Variants in ZNF333 observed in about 807,000 individuals in gnomAD.
ZNF333 encodes zinc finger protein 333.
A neutral mutation model predicts 76.1 loss-of-function variants in ZNF333; 61 were observed. That is an observed-to-expected ratio of 0.80 (90% CI 0.65 to 0.99). The LOEUF (loss-of-function observed/expected upper bound fraction) is 0.99. Among genes scored for constraint, ZNF333 ranks in the 50% least tolerant of loss-of-function variants. The pLI, the probability that ZNF333 is intolerant of heterozygous loss-of-function variation, is 0.00. For missense variants in ZNF333, 717 were observed against 822.4 expected, an observed-to-expected ratio of 0.87 and a Z score of 1.57; for synonymous variants, 284 against 305.0, an observed-to-expected ratio of 0.93 and a Z score of 0.72.
intron 4 of ZNF333, among the ~76,000 whole-genome samples, chr19:14,697,642 T>C (rs1973316910): frequency 6.6e-6 from 1 of 152,178 alleles, no homozygotes; most frequent in Middle Eastern, 3.2e-3. Flanking sequence ...ATTACAGGCG[T>C]GCGCCACCGT....
At chr19:14,700,514 A>G (rs1973599462) in intron 5 of ZNF333, among the ~76,000 whole-genome samples, 1 of 152,236 alleles carries the variant, frequency 6.6e-6, no homozygotes, top group South Asian at 2.1e-4. Context: ...AGACCAGTCT[A>G]GATCCCACAC....
chr19:14,693,109 CA>C (rs528685890), intron 1 of ZNF333, among the ~76,000 whole-genome samples: 2 of 148,960 alleles, frequency 1.3e-5, no homozygotes, highest in African/African-American at 2.5e-5. Flanking sequence ...GAGTGAGACT[CA>C]AAAAAAAAGG....
Position 14,703,666 on chromosome 19 carries a change from G to A in ZNF333, c.307-1388G>A, listed in dbSNP as rs537106682. Among the ~76,000 whole-genome samples, 21 of 152,328 alleles carry A rather than the reference G, an allele frequency of 1.4e-4. No homozygotes were observed. The South Asian group carries it at 1.7e-3, about 12-fold the overall frequency. On this transcript the variant is annotated intron_variant, in intron 5 of 11. Transcript: ENST00000292530. Reference sequence around the variant, plus strand: ...GAGCGAGGGGATAGCCCAGGCCAGAGCCTTTCTTGGAGTTTCCACAGGGTA... The same window carrying A: ...GAGCGAGGGGATAGCCCAGGCCAGAACCTTTCTTGGAGTTTCCACAGGGTA...
chr19:14,705,789 C>T (rs1201963432), intron 6 of ZNF333, among the ~76,000 whole-genome samples: 1 of 152,210 alleles, frequency 6.6e-6, no homozygotes, highest in Non-Finnish European at 1.5e-5. Flanking sequence ...ATCTAGGCTG[C>T]AGGCTCCTTA....
rs1339298045 is a variant in ZNF333 at position 14,720,808 on chromosome 19, T to C, written c.*1483T>C. On this transcript the variant is annotated 3_prime_UTR_variant, in exon 12 of 12. Transcript: ENST00000292530. The stretch of plus-strand genomic sequence containing the variant: ...TGTTGATCTGTGATCTAGCATTTAT[T>C]GAGAGAGGTATGTTAAACTCTCCCA... 1.0e-6 allele frequency: 1 copy of C among 983,734 alleles called. No homozygotes were observed. Among genetic ancestry groups the C allele is most frequent in the South Asian group, 4.7e-5 (1 of 21,256 alleles). The allele number at this position is 983,734 out of a possible 1,614,324, so 60.9% of individuals were successfully genotyped here.
Position 14,720,336 on chromosome 19 carries a change from A to G in ZNF333, c.*1011A>G. 1.0e-6 allele frequency: 1 copy of G among 985,388 alleles called. No individual in the cohort carries two copies. Among genetic ancestry groups the G allele is most frequent in the Non-Finnish European group, 1.2e-6 (1 of 829,922 alleles). 61.0% of individuals were successfully genotyped at this position (985,388 alleles called of 1,614,324 possible). ...ATTGTGTTCAGGGATGGTTTCATGT[A>G]GCCACATCTCTCCACTTCTTGCCTT... On this transcript the variant is annotated 3_prime_UTR_variant, in exon 12 of 12. Transcript: ENST00000292530.
In ZNF333 at chr19:14,692,764, C is replaced by T. The variant is rs529930681; in HGVS notation, c.-41-687C>T. ...CTGACCCCAAGTGATCCACCTGCCT[C>T]GGCCTTCCAAAGTGCTGGGATTATA... On this transcript the variant is annotated intron_variant, in intron 1 of 11. Transcript: ENST00000292530. 2.8e-4 allele frequency among the ~76,000 whole-genome samples: 42 copies of T among 148,866 alleles called. No individual in the cohort carries two copies. In the South Asian group the frequency reaches 6.4e-3, roughly 23 times the overall value.
Position 14,721,537 on chromosome 19 carries a change from T to C in ZNF333, c.*2212T>C, listed in dbSNP as rs1012789456. The C allele has an allele frequency of 5.3e-5, 8 of 152,196 alleles. No homozygotes were observed. Among genetic ancestry groups the C allele is most frequent in the African/African-American group, 1.9e-4 (8 of 41,454 alleles). The allele number at this position is 152,196 out of a possible 1,614,324, so 9.4% of individuals were successfully genotyped here. On this transcript the variant is annotated 3_prime_UTR_variant, in exon 12 of 12. Coordinates refer to ENST00000292530, the MANE Select transcript of ZNF333 (RefSeq NM_032433.4). ...TAAATGGAACCATAAACAGCCCTCTTGTGTCTGTTTTCTTCACTTAATATA... is the reference window on the plus strand; with the variant it reads ...TAAATGGAACCATAAACAGCCCTCTCGTGTCTGTTTTCTTCACTTAATATA...
chr19:14,697,490 T>G (rs1010765532), intron 4 of ZNF333, among the ~76,000 whole-genome samples: 1 of 150,856 alleles, frequency 6.6e-6, no homozygotes, highest in African/African-American at 2.4e-5. Flanking sequence ...GTCTCTTGAA[T>G]AGCTGGGACC....
chr19:14,718,736 G>T lies in ZNF333; in HGVS notation c.1409G>T (p.Arg470Ile), dbSNP rs1481166856. The T allele has an allele frequency of 5.0e-6, 8 of 1,614,094 alleles. No homozygotes were observed. The highest frequency in any genetic ancestry group is 6.8e-6 in the Non-Finnish European group (8 of 1,180,026). ...CCATCATCCCTCAGGAGCCACGTGA[G>T]AACTCACACTGGAGAGAAGCCCTTT... The part of the protein sequence containing the change: ...NQPSSLRSHV[R>I]THTGEKPFEC... The change falls in exon 12 of 12, where the codon AGA becomes ATA. Residue 470 changes from arginine to isoleucine, a missense_variant. Physicochemically the swap from Arg to Ile is moderately conservative, Grantham distance 97. Coordinates refer to ENST00000292530, the MANE Select transcript of ZNF333 (RefSeq NM_032433.4).
chr19:14,702,065 C>T (rs890544550), intron 5 of ZNF333, among the ~76,000 whole-genome samples: 1 of 152,200 alleles, frequency 6.6e-6, no homozygotes, highest in Non-Finnish European at 1.5e-5. Context: ...TTGTCACAAT[C>T]ATTGAGACCC....
At chr19:14,697,164 C>T (rs1973265972) in intron 4 of ZNF333, among the ~76,000 whole-genome samples, 1 of 152,176 alleles carries the variant, frequency 6.6e-6, no homozygotes, top group African/African-American at 2.4e-5. Context: ...TTTATGTTTT[C>T]CAGATCCATC....
chr19:14,720,408 AC>A lies in ZNF333; in HGVS notation c.*1085del, dbSNP rs2042562083. 1.0e-6 allele frequency: 1 copy of A among 985,254 alleles called. No homozygotes were observed. The highest frequency in any genetic ancestry group is 1.7e-5 in the African/African-American group (1 of 57,216). 61.0% of individuals were successfully genotyped at this position (985,254 alleles called of 1,614,324 possible). A position where few individuals can be genotyped will look rare whatever the true frequency, so the allele number is the denominator to read the frequency against. On this transcript the variant is annotated 3_prime_UTR_variant, in exon 12 of 12. Coordinates refer to ENST00000292530, the MANE Select transcript of ZNF333 (RefSeq NM_032433.4). ...CTAGACCTAGAGGAGCCCTCCTGTGACCATAAGGGTAAAAGCCGCAAGCTAA... is the reference window on the plus strand; with the variant it reads ...CTAGACCTAGAGGAGCCCTCCTGTGACATAAGGGTAAAAGCCGCAAGCTAA...
At chr19:14,713,446 T>C (rs1255646817) in intron 7 of ZNF333, among the ~76,000 whole-genome samples, 1 of 152,060 alleles carries the variant, frequency 6.6e-6, no homozygotes, top group Non-Finnish European at 1.5e-5. Flanking sequence ...TGTTCAGATG[T>C]GAGAGTCAGC....
chr19:14,699,290 C>T lies in ZNF333; in HGVS notation c.306+9C>T. 6.2e-7 allele frequency: 1 copy of T among 1,612,772 alleles called. No homozygotes were observed. Among genetic ancestry groups the T allele is most frequent in the South Asian group, 1.1e-5 (1 of 91,028 alleles). ...CCAGGGACATGCAAATGGTAAGATG[C>T]ACGGGGTTTTCCCCGGCTCCCAGCA... On this transcript the variant is annotated intron_variant, in intron 5 of 11. Coordinates refer to ENST00000292530, the MANE Select transcript of ZNF333 (RefSeq NM_032433.4).
intron 5 of ZNF333, chr19:14,701,970 C>G: frequency 1.1e-6 from 1 of 920,712 alleles, no homozygotes; most frequent in Non-Finnish European, 1.3e-6. Context: ...GGTTCTACTG[C>G]CTGACGATCA....
At chr19:14,729,046 G>C (rs1309691626) in intron 11 of ZNF333, among the ~76,000 whole-genome samples, 3 of 152,198 alleles carry the variant, frequency 2.0e-5, no homozygotes, top group Non-Finnish European at 4.4e-5. Context: ...GTGGTTTTGA[G>C]GGGTGGAACG....
Position 14,717,719 on chromosome 19 carries a change from A to G in ZNF333, c.886A>G (p.Ile296Val), listed in dbSNP as rs753178149. The G allele has an allele frequency of 4.3e-6, 7 of 1,613,940 alleles. No individual in the cohort carries two copies. The highest frequency in any genetic ancestry group is 2.2e-5 in the East Asian group (1 of 44,892). ...AGATACTTTTACAGAGATCCTGTCC[A>G]TTGATGTGAAAGGGGTAAGGCTCAC... Reference protein sequence around the residue: ...SQDTFTEILSIDVKGEQPQPG... With the variant: ...SQDTFTEILSVDVKGEQPQPG... The change falls in exon 11 of 12, where the codon ATT (isoleucine) becomes GTT (valine). Residue 296 changes from isoleucine to valine, a missense_variant. By Grantham distance (29) the Ile-to-Val change is conservative. Coordinates refer to ENST00000292530, the MANE Select transcript of ZNF333 (RefSeq NM_032433.4).
chr19:14,696,258 A>G (rs921698824), intron 4 of ZNF333, among the ~76,000 whole-genome samples: 1 of 152,104 alleles, frequency 6.6e-6, no homozygotes, highest in Non-Finnish European at 1.5e-5. Flanking sequence ...GTGGTTCACA[A>G]CCTTGTGTAA....
Sources: gnomAD v4.1 joint callset for allele counts (sites outside exome capture counted in the v4.1 genomes callset) on GRCh38, gnomAD v4.1.1 for gene constraint, MANE v1.5 for transcripts, NCBI Gene and HGNC (gene_info 2026-07-23, HGNC 2026-07-21) for gene names.